DOCK10: variants seen among roughly 807,000 people sequenced by gnomAD.
DOCK10 encodes dedicator of cytokinesis protein 10.
Under a neutral mutation model 280.1 loss-of-function variants are expected in DOCK10, and 145 were observed. That is an observed-to-expected ratio of 0.52 (90% confidence interval 0.45 to 0.59). The LOEUF is 0.59. DOCK10 is among the 20% of genes least tolerant of loss of function. The pLI is 0.00. For missense variants in DOCK10, 2,368 were observed against 2,651.7 expected (o/e 0.89, Z 2.35); for synonymous variants, 915 against 942.2 (o/e 0.97, Z 0.53).
At chr2:224,876,309 A>G in intron 7 of DOCK10, 88 bp from the exon 8 acceptor site, 1 of 1,220,302 alleles carries the variant, frequency 8.2e-7, no homozygotes. Context: ...TGAGGTTCCA[A>G]AAGTCTTTCC....
rs146244028 is a variant in DOCK10 at position 224,986,397 on chromosome 2, A to C, written c.124-54729T>G. ...TCAGGATCCTAATAAGGTCATGATC[A>C]GAACTTATTTATAAAGATAAATTTA... On this transcript the variant is annotated intron_variant, in intron 1 of 55. Coordinates refer to ENST00000258390, the MANE Select transcript of DOCK10 (RefSeq NM_014689.3). Among the ~76,000 whole-genome samples the C allele has an allele frequency of 5.6e-4, 86 of 152,310 alleles. 1 individual carries two copies. The East Asian group carries it at 0.013, about 23-fold the overall frequency.
chr2:224,982,611 C>T (rs753370418), intron 1 of DOCK10: 101 of 720,360 alleles, frequency 1.4e-4, no homozygotes, highest in Non-Finnish European at 1.7e-4. Context: ...AAGTATTTCT[C>T]AATTCACATC....
chr2:225,010,718 A>G (rs1403800132), intron 1 of DOCK10, among the ~76,000 whole-genome samples: 1 of 150,276 alleles, frequency 6.7e-6, no homozygotes, highest in African/African-American at 2.5e-5. Context: ...AATATAGATT[A>G]AAAGTTGAAA....
intron 1 of DOCK10, among the ~76,000 whole-genome samples, chr2:224,937,061 A>G (rs975100123): frequency 6.6e-6 from 1 of 152,194 alleles, no homozygotes; most frequent in Non-Finnish European, 1.5e-5. Context: ...CTAGAAGCTA[A>G]TGTCAGCAAA....
At chr2:224,790,691 C>T (rs1005945863) in intron 47 of DOCK10, among the ~76,000 whole-genome samples, 1 of 151,994 alleles carries the variant, frequency 6.6e-6, no homozygotes, top group African/African-American at 2.4e-5. Context: ...GGAGAAGTCA[C>T]AACATACTTC....
intron 1 of DOCK10, among the ~76,000 whole-genome samples, chr2:225,028,134 T>C (rs1350813759): frequency 6.6e-6 from 1 of 152,068 alleles, no homozygotes; most frequent in Non-Finnish European, 1.5e-5. Flanking sequence ...GCAAATATGA[T>C]TAAGATGGAA....
Position 224,852,976 on chromosome 2 carries a change from G to A in DOCK10, c.2035C>T (p.Pro679Ser). Residue 679 changes from proline to serine, a missense_variant, in exon 17 of 56, where the codon CCC (proline) becomes TCC (serine). Pro to Ser is a moderately conservative substitution (Grantham distance 74). Around this residue, in one of 2 missense-constraint regions of DOCK10, gnomAD observed 1,209 missense variants for 1,250.9 expected, o/e 0.97. Transcript: ENST00000258390. ...RVYKNQIYIY[P>S]KHLKYDSQKC... ...TGGCTATCATACTTGAGGTGTTTGG[G>A]GTAAATATAAATTTGATTTTTATAT... 1 of 1,608,532 alleles carries A rather than the reference G, an allele frequency of 6.2e-7. No individual in the cohort carries two copies. The highest frequency in any genetic ancestry group is 8.5e-7 in the Non-Finnish European group (1 of 1,176,686).
intron 1 of DOCK10, among the ~76,000 whole-genome samples, chr2:224,994,785 TACAC>T (rs1381530166): frequency 6.6e-6 from 1 of 152,176 alleles, no homozygotes; most frequent in Non-Finnish European, 1.5e-5. Flanking sequence ...CACACACACT[TACAC>T]ACACAATGCA....
chr2:225,006,595 T>C (rs772430391), intron 1 of DOCK10, among the ~76,000 whole-genome samples: 12 of 152,344 alleles, frequency 7.9e-5, no homozygotes, highest in Non-Finnish European at 1.6e-4. Context: ...GTCTCTGTCT[T>C]CTAAGCCGTT....
chr2:224,879,111 C>G (rs1157898349), intron 7 of DOCK10, among the ~76,000 whole-genome samples: 1 of 152,168 alleles, frequency 6.6e-6, no homozygotes, highest in East Asian at 1.9e-4. Flanking sequence ...AGTAAAAGGT[C>G]AGAGTTGCAT....
At chr2:224,989,270 C>T (rs1706064366) in intron 1 of DOCK10, among the ~76,000 whole-genome samples, 1 of 152,194 alleles carries the variant, frequency 6.6e-6, no homozygotes. Flanking sequence ...CACAAGTATT[C>T]TCTGTGGAGT....
At chr2:224,811,435 T>C (rs1353286716) in intron 31 of DOCK10, among the ~76,000 whole-genome samples, 1 of 152,224 alleles carries the variant, frequency 6.6e-6, no homozygotes, top group African/African-American at 2.4e-5. Flanking sequence ...TTTTGTAGGT[T>C]GCCTGTTGAC....
chr2:224,864,803 A>G, intron 12 of DOCK10, 63 bp downstream of exon 12: 1 of 1,602,878 alleles, frequency 6.2e-7, no homozygotes. Flanking sequence ...ATCTTATATG[A>G]TCTATTGGTA....
At chr2:224,930,218 AAGAAAGAAAG>A (rs1278048298) in intron 2 of DOCK10, among the ~76,000 whole-genome samples, 4 of 140,426 alleles carry the variant, frequency 2.8e-5, no homozygotes, top group Non-Finnish European at 1.5e-5. Flanking sequence ...AAAAAAAAAA[AAGAAAGAAAG>A]AAGAAAGAAA....
At chr2:224,869,327 G>A (rs1021548974) in intron 11 of DOCK10, among the ~76,000 whole-genome samples, 6 of 152,172 alleles carry the variant, frequency 3.9e-5, no homozygotes, top group African/African-American at 9.7e-5. Flanking sequence ...TTCTCATCAT[G>A]AGGATGTTAT....
In DOCK10 at chr2:224,853,876, T is replaced by C. The variant is rs80271223; in HGVS notation, c.1889-754A>G. On this transcript the variant is annotated intron_variant, in intron 16 of 55. Transcript: ENST00000258390. ...AGCTACGAATGCTTGAGAATCAGAT[T>C]ACTGTTTTCTTTTTTCAAAAACCAA... 9.6e-3 allele frequency among the ~76,000 whole-genome samples: 1,456 copies of C among 152,312 alleles called. 16 individuals are homozygous for C. The highest frequency in any genetic ancestry group is 0.033 in the African/African-American group (1,372 of 41,550).
intron 51 of DOCK10, among the ~76,000 whole-genome samples, chr2:224,776,931 T>C (rs1023910272): frequency 3.3e-5 from 5 of 152,196 alleles, no homozygotes; most frequent in Non-Finnish European, 5.9e-5. Flanking sequence ...TTGTACAACT[T>C]GGACTTTGAC....
intron 1 of DOCK10, among the ~76,000 whole-genome samples, chr2:225,013,220 A>G (rs1035533906): frequency 2.0e-5 from 3 of 152,178 alleles, no homozygotes; most frequent in African/African-American, 4.8e-5. Flanking sequence ...AAATCAAACC[A>G]CATTCCCTTT....
chr2:225,014,076 A>AATATATATAT (rs770548693), intron 1 of DOCK10, among the ~76,000 whole-genome samples: 1 of 87,732 alleles, frequency 1.1e-5, no homozygotes, highest in Admixed American at 1.3e-4. Flanking sequence ...CAGAAGTCTG[A>AATATATATAT]ATATATTGTT....
Sources: gnomAD v4.1 joint callset for allele counts (sites outside exome capture counted in the v4.1 genomes callset) on GRCh38, gnomAD v4.1.1 for gene constraint, gnomAD v4.1.1 regional missense constraint, MANE v1.5 for transcripts, NCBI Gene and HGNC (gene_info 2026-07-23, HGNC 2026-07-21) for gene names.